Variants in HPRT1 observed in about 807,000 individuals in gnomAD.
The protein encoded by HPRT1 is hypoxanthine phosphoribosyltransferase 1, also known as hypoxanthine-guanine phosphoribosyltransferase.
HPRT1 carries 4 observed loss-of-function variants against 19.0 expected under a neutral mutation model. The observed-to-expected ratio is 0.21, with a 90% CI of 0.10 to 0.48. The LOEUF is 0.48. Among genes scored for constraint, HPRT1 ranks in the 20% least tolerant of loss-of-function variants. HPRT1 has a pLI of 0.98. For missense variants in HPRT1, 65 were observed against 164.0 expected (o/e 0.40, Z 3.30); for synonymous variants, 53 against 54.9 (o/e 0.97, Z 0.15).
chrX:134,486,362 C>T (rs1251655803), intron 3 of HPRT1, 103 bp from the exon 4 acceptor site: 1 of 369,166 alleles, frequency 2.7e-6, no homozygotes, highest in Non-Finnish European at 4.5e-6. Context: ...CTCAAATCTT[C>T]TAGTTCTCAT....
At chrX:134,466,124 A>G (rs778749363) in intron 1 of HPRT1, among the ~76,000 whole-genome samples, 2 of 110,032 alleles carry the variant, frequency 1.8e-5, no homozygotes, top group African/African-American at 3.3e-5. Context: ...GTGCCCTTAT[A>G]TGAAAAGACA....
chrX:134,494,446 A>G (rs2077675285), intron 6 of HPRT1, among the ~76,000 whole-genome samples: 1 of 111,855 alleles, frequency 8.9e-6, no homozygotes, highest in Non-Finnish European at 1.9e-5. Context: ...TTTTGAAAAA[A>G]TCACGGTATC....
chrX:134,461,788 G>A (rs943014967), intron 1 of HPRT1, among the ~76,000 whole-genome samples: 9 of 111,692 alleles, frequency 8.1e-5, no homozygotes, highest in African/African-American at 2.6e-4. Context: ...ACATACCCTA[G>A]GTCATACAGT....
At chrX:134,480,797 A>G (rs1197952699) in intron 3 of HPRT1, among the ~76,000 whole-genome samples, 1 of 95,558 alleles carries the variant, frequency 1.0e-5, no homozygotes, top group Non-Finnish European at 2.1e-5. Flanking sequence ...ACAAACACAT[A>G]TGTGTATTTG....
Position 134,493,356 on chromosome X carries a change from A to G in HPRT1, c.403-152A>G, listed in dbSNP as rs972621328. Reference sequence around the variant, plus strand: ...GCATTCTTACTGCTTGCTGAGGGCCAGATGATATAGATTCCAGAATATCTC... The same window carrying G: ...GCATTCTTACTGCTTGCTGAGGGCCGGATGATATAGATTCCAGAATATCTC... On this transcript the variant is annotated intron_variant, in intron 5 of 8. Transcript: ENST00000298556. The G allele has an allele frequency of 2.0e-4, 97 of 492,075 alleles. No homozygotes were observed. The East Asian group carries it at 3.4e-3, about 17-fold the overall frequency. 40.6% of individuals were successfully genotyped at this position (492,075 alleles called of 1,213,427 possible).
At chrX:134,476,085 T>G (rs2077624614) in intron 3 of HPRT1, among the ~76,000 whole-genome samples, 1 of 112,394 alleles carries the variant, frequency 8.9e-6, no homozygotes, top group Non-Finnish European at 1.9e-5. Context: ...TTCATACTCT[T>G]CAAAGATTAG....
chrX:134,469,572 A>G (rs1029909104), intron 1 of HPRT1, among the ~76,000 whole-genome samples: 15 of 111,819 alleles, frequency 1.3e-4, no homozygotes, highest in African/African-American at 4.9e-4. Context: ...AGACTTTTCA[A>G]ATTCTTAGTC....
chrX:134,470,902 T>TAA (rs1346755729), intron 1 of HPRT1, among the ~76,000 whole-genome samples: 7 of 93,999 alleles, frequency 7.4e-5, no homozygotes, highest in Non-Finnish European at 1.3e-4. Flanking sequence ...ACTTCGTCTC[T>TAA]AAAAAAAAAA....
chrX:134,492,886 G>A (rs1279603362), intron 5 of HPRT1, among the ~76,000 whole-genome samples: 1 of 111,196 alleles, frequency 9.0e-6, no homozygotes, highest in Non-Finnish European at 1.9e-5. Flanking sequence ...GCCTACCACA[G>A]CCCAGAAATC....
intron 3 of HPRT1, among the ~76,000 whole-genome samples, chrX:134,482,084 T>G (rs2077641981): frequency 8.9e-6 from 1 of 111,922 alleles, no homozygotes; most frequent in Non-Finnish European, 1.9e-5. Context: ...AGACAGGGTC[T>G]CACTCTGTCA....
chrX:134,476,154 C>T (rs781487446), intron 3 of HPRT1, among the ~76,000 whole-genome samples: 1 of 111,572 alleles, frequency 9.0e-6, no homozygotes, highest in African/African-American at 3.3e-5. Context: ...TGTAGAAACT[C>T]GCCTTATGTT....
chrX:134,496,601 T>C (rs1351216738), intron 6 of HPRT1, among the ~76,000 whole-genome samples: 1 of 112,232 alleles, frequency 8.9e-6, no homozygotes, highest in Non-Finnish European at 1.9e-5. Context: ...TTATGTTCTT[T>C]CTAAATGGAA....
chrX:134,479,848 A>G lies in HPRT1; in HGVS notation c.318+4484A>G, dbSNP rs187023333. 1.7e-3 allele frequency among the ~76,000 whole-genome samples: 186 copies of G among 111,350 alleles called. 1 individual carries two copies. Among genetic ancestry groups the G allele is most frequent in the Middle Eastern group, 0.014 (3 of 217 alleles). On this transcript the variant is annotated intron_variant, in intron 3 of 8. Transcript: ENST00000298556. ...GGTCTGAAACTCCTGAGCTCAAACA[A>G]TCCAACTGCCTTGGCTTCCCTAAGT...
chrX:134,463,343 G>C (rs2077589209), intron 1 of HPRT1, among the ~76,000 whole-genome samples: 1 of 111,680 alleles, frequency 9.0e-6, no homozygotes, highest in African/African-American at 3.3e-5. Flanking sequence ...AAATTTCGGG[G>C]ATGGTAGTCC....
chrX:134,465,493 T>C (rs1247551251), intron 1 of HPRT1, among the ~76,000 whole-genome samples: 1 of 112,121 alleles, frequency 8.9e-6, no homozygotes, highest in Non-Finnish European at 1.9e-5. Flanking sequence ...AAAAAAATTA[T>C]AATGCCAGTT....
chrX:134,462,326 G>A (rs2077586534), intron 1 of HPRT1, among the ~76,000 whole-genome samples: 2 of 110,368 alleles, frequency 1.8e-5, no homozygotes, highest in African/African-American at 6.6e-5. Context: ...GATTACAGGC[G>A]CCTGCCACCA....
intron 1 of HPRT1, among the ~76,000 whole-genome samples, chrX:134,470,585 C>T (rs375022930): frequency 9.0e-6 from 1 of 110,996 alleles, no homozygotes; most frequent in African/African-American, 3.3e-5. Flanking sequence ...TATTGGAAAC[C>T]GCCAAAGCTT....
At position 134,480,788 on chromosome X, in the gene HPRT1, C is replaced by A. The variant is rs775568611; in HGVS notation, c.318+5424C>A. 3.1e-5 allele frequency among the ~76,000 whole-genome samples: 3 copies of A among 98,015 alleles called. No homozygotes were observed. In the East Asian group the frequency reaches 1.0e-3, roughly 33 times the overall value. 85.1% of individuals were successfully genotyped at this position (98,015 alleles called of 115,157 possible). ...AAATACACACACACACACACACACA[C>A]AAACACATATGTGTATTTGTGTGTG... On this transcript the variant is annotated intron_variant, in intron 3 of 8. Transcript: ENST00000298556.
Position 134,460,328 on chromosome X carries a change from C to G in HPRT1, c.17C>G (p.Pro6Arg). MATRSPGVVISDDEPG... is the reference protein window; with the variant it reads MATRSRGVVISDDEPG... ...GGCTCCGTTATGGCGACCCGCAGCC[C>G]TGGCGTCGTGGTGAGCAGCTCGGCC... The change falls in exon 1 of 9, where the codon CCT becomes CGT. Residue 6 changes from proline to arginine, a missense_variant. Coordinates refer to ENST00000298556, the MANE Select transcript of HPRT1 (RefSeq NM_000194.3). 8.9e-7 allele frequency: 1 copy of G among 1,128,646 alleles called. No homozygotes were observed. Among genetic ancestry groups the G allele is most frequent in the Non-Finnish European group, 1.2e-6 (1 of 858,447 alleles). 93.0% of individuals were successfully genotyped at this position (1,128,646 alleles called of 1,213,427 possible). A position where few individuals can be genotyped will look rare whatever the true frequency, so the allele number is the denominator to read the frequency against.
Sources: gnomAD v4.1 joint callset for allele counts (sites outside exome capture counted in the v4.1 genomes callset) on GRCh38, gnomAD v4.1.1 for gene constraint, MANE v1.5 for transcripts, NCBI Gene and HGNC (gene_info 2026-07-23, HGNC 2026-07-21) for gene names.